The following PDE3A variants were observed in gnomAD, a reference collection of about 807,000 sequenced individuals.
PDE3A encodes the protein cGMP-inhibited 3',5'-cyclic phosphodiesterase 3A.
PDE3A carries 43 observed loss-of-function variants against 98.3 expected under a neutral mutation model. The observed-to-expected ratio is 0.44, with a 90% CI of 0.34 to 0.56. The LOEUF is 0.56. Ranked by LOEUF, PDE3A falls within the 20% of genes least tolerant of loss-of-function variation. The probability of loss-of-function intolerance (pLI) is 0.01; values close to 1 mark genes in which losing one functional copy is unlikely to be tolerated. For missense variants in PDE3A, 1,427 were observed against 1,440.7 expected, an observed-to-expected ratio of 0.99 and a Z score of 0.15; for synonymous variants, 663 against 567.9, an observed-to-expected ratio of 1.17 and a Z score of -2.38.
chr12:20,527,491 G>A (rs1946546172), intron 1 of PDE3A, among the ~76,000 whole-genome samples: 1 of 152,126 alleles, frequency 6.6e-6, no homozygotes, highest in African/African-American at 2.4e-5. Context: ...TGAGCTTGAT[G>A]CACAGTTTCT....
At chr12:20,477,438 C>T (rs1187380787) in intron 1 of PDE3A, among the ~76,000 whole-genome samples, 2 of 152,136 alleles carry the variant, frequency 1.3e-5, no homozygotes, top group Non-Finnish European at 2.9e-5. Context: ...TTTCCAGTTG[C>T]TGATCGGCAA....
intron 1 of PDE3A, among the ~76,000 whole-genome samples, chr12:20,472,211 C>T (rs1364269147): frequency 6.6e-6 from 1 of 152,136 alleles, no homozygotes; most frequent in South Asian, 2.1e-4. Flanking sequence ...GAAAAGACAA[C>T]CAGGAAGGGA....
At chr12:20,547,370 G>A (rs1186183370) in intron 1 of PDE3A, among the ~76,000 whole-genome samples, 1 of 152,086 alleles carries the variant, frequency 6.6e-6, no homozygotes, top group Non-Finnish European at 1.5e-5. Context: ...GATACATCTT[G>A]TTTTGTTCAA....
chr12:20,653,891 A>G (rs79704361), intron 14 of PDE3A, 56 bp from the exon 15 acceptor site: 1 of 1,581,832 alleles, frequency 6.3e-7, no homozygotes, highest in East Asian at 2.2e-5. Flanking sequence ...GGTTTTACAT[A>G]TTTACAAATT....
At chr12:20,583,625 A>G (rs1485197761) in intron 2 of PDE3A, among the ~76,000 whole-genome samples, 3 of 152,242 alleles carry the variant, frequency 2.0e-5, no homozygotes, top group Non-Finnish European at 2.9e-5. Flanking sequence ...TAAAATACAC[A>G]TAATATTAGT....
intron 2 of PDE3A, among the ~76,000 whole-genome samples, chr12:20,599,215 C>G (rs1434974782): frequency 6.6e-6 from 1 of 152,122 alleles, no homozygotes; most frequent in African/African-American, 2.4e-5. Flanking sequence ...CTTTTCTGCT[C>G]TGCCCCCCAC....
chr12:20,640,792 G>T (rs1944629194), intron 10 of PDE3A, among the ~76,000 whole-genome samples: 1 of 152,094 alleles, frequency 6.6e-6, no homozygotes, highest in Admixed American at 6.6e-5. Context: ...CAGGGAAATT[G>T]TGGAGATGTT....
chr12:20,641,406 C>T (rs991710890), intron 10 of PDE3A, among the ~76,000 whole-genome samples: 3 of 152,068 alleles, frequency 2.0e-5, no homozygotes, highest in Non-Finnish European at 2.9e-5. Context: ...AGGGCCCACC[C>T]TGGTTGGATG....
intron 1 of PDE3A, among the ~76,000 whole-genome samples, chr12:20,457,108 G>A (rs1268960586): frequency 2.0e-5 from 3 of 151,838 alleles, no homozygotes; most frequent in Admixed American, 6.6e-5. Context: ...GACAATTCAC[G>A]TAGCAAGAAA....
intron 15 of PDE3A, among the ~76,000 whole-genome samples, chr12:20,679,165 AAT>A (rs1157633931): frequency 1.3e-5 from 2 of 152,220 alleles, no homozygotes; most frequent in Non-Finnish European, 2.9e-5. Context: ...CCAGCTTGAA[AAT>A]ATGAGTTCAG....
rs115420753 is a variant in PDE3A at position 20,377,907 on chromosome 12, T to G, written c.960+7663T>G. Among the ~76,000 whole-genome samples, 504 of 151,876 alleles carry G rather than the reference T, an allele frequency of 3.3e-3. 1 individual carries two copies. The highest frequency in any genetic ancestry group is 0.012 in the African/African-American group (489 of 41,504). On this transcript the variant is annotated intron_variant, in intron 1 of 15. Coordinates refer to ENST00000359062, the MANE Select transcript of PDE3A (RefSeq NM_000921.5). Reference sequence around the variant, plus strand: ...GATACACTGTAAACACAACACATGTTCATGATGATTAGTCTATAATTGGGT... The same window carrying G: ...GATACACTGTAAACACAACACATGTGCATGATGATTAGTCTATAATTGGGT...
rs10743384 is a variant in PDE3A at position 20,650,615 on chromosome 12, T to C, written c.2925+15T>C. Reference sequence around the variant, plus strand: ...TTTATGAACAGGTAACTGACCACTGTTTAATACAGCTTAATCTGTACTTAC... The same window carrying C: ...TTTATGAACAGGTAACTGACCACTGCTTAATACAGCTTAATCTGTACTTAC... On this transcript the variant is annotated intron_variant, in intron 14 of 15. Transcript: ENST00000359062. The C allele has an allele frequency of 0.59, 923,310 of 1,565,304 alleles. 276,502 individuals are homozygous for C. The highest frequency in any genetic ancestry group is 0.71 in the East Asian group (31,732 of 44,464).
At chr12:20,634,848 A>C (rs1944462516) in intron 7 of PDE3A, 54 bp from the exon 8 acceptor site, 2 of 1,397,472 alleles carry the variant, frequency 1.4e-6, no homozygotes, top group Non-Finnish European at 2.0e-6. Context: ...TGCTTAAATG[A>C]GCCCCCTTTC....
chr12:20,430,672 T>C (rs1377434215), intron 1 of PDE3A, among the ~76,000 whole-genome samples: 1 of 152,166 alleles, frequency 6.6e-6, no homozygotes, highest in Non-Finnish European at 1.5e-5. Flanking sequence ...AAATTTTGCA[T>C]TTTATTCTAA....
chr12:20,555,044 T>C lies in PDE3A; in HGVS notation c.961-1616T>C, dbSNP rs138518747. On this transcript the variant is annotated intron_variant, in intron 1 of 15. Coordinates refer to ENST00000359062, the MANE Select transcript of PDE3A (RefSeq NM_000921.5). The stretch of plus-strand genomic sequence containing the variant: ...TCTAATGGATTCCTTTCTTTTGAGA[T>C]GGAGTCTCACTTTGTCTCCCAGGCT... Among the ~76,000 whole-genome samples, 35 of 152,120 alleles carry C rather than the reference T, an allele frequency of 2.3e-4. 1 individual carries two copies. In the East Asian group the frequency reaches 6.8e-3, roughly 30 times the overall value.
chr12:20,401,827 T>G (rs1368010898), intron 1 of PDE3A, among the ~76,000 whole-genome samples: 2 of 152,212 alleles, frequency 1.3e-5, no homozygotes, highest in Non-Finnish European at 2.9e-5. Context: ...CCACCTCTCC[T>G]GCGCCCCACA....
intron 1 of PDE3A, among the ~76,000 whole-genome samples, chr12:20,483,754 G>A (rs1945673977): frequency 1.3e-5 from 2 of 152,046 alleles, no homozygotes; most frequent in Non-Finnish European, 2.9e-5. Flanking sequence ...AGAAAAATTT[G>A]GAGGGAAAGA....
chr12:20,669,947 G>T (rs1945426749), intron 15 of PDE3A, among the ~76,000 whole-genome samples: 1 of 152,026 alleles, frequency 6.6e-6, no homozygotes, highest in Admixed American at 6.6e-5. Flanking sequence ...GCTGTATTCA[G>T]GAAACCCATC....
intron 2 of PDE3A, among the ~76,000 whole-genome samples, chr12:20,571,633 A>C (rs1226524874): frequency 6.6e-6 from 1 of 152,128 alleles, no homozygotes; most frequent in Non-Finnish European, 1.5e-5. Flanking sequence ...AAGTAGATCA[A>C]ATATCCTGTA....
Sources: gnomAD v4.1 joint callset for allele counts (sites outside exome capture counted in the v4.1 genomes callset) on GRCh38, gnomAD v4.1.1 for gene constraint, MANE v1.5 for transcripts, NCBI Gene and HGNC (gene_info 2026-07-23, HGNC 2026-07-21) for gene names.